The following AXL variants were observed in gnomAD, a reference collection of about 807,000 sequenced individuals.
AXL encodes tyrosine-protein kinase receptor UFO.
In AXL, 52 loss-of-function variants were observed where a neutral mutation model predicts 104.5. The ratio of observed to expected loss-of-function variants is 0.50; its 90% CI spans 0.40 to 0.63. The LOEUF is 0.63. Ranked by LOEUF, AXL falls within the 20% of genes least tolerant of loss-of-function variation. AXL has a pLI of 0.00. For missense variants in AXL, 1,024 were observed against 1,188.5 expected (o/e 0.86, Z 2.04); for synonymous variants, 455 against 473.7 (o/e 0.96, Z 0.51).
At chr19:41,253,050 C>T in intron 16 of AXL, 83 bp downstream of exon 16, 2 of 1,461,990 alleles carry the variant, frequency 1.4e-6, no homozygotes, top group South Asian at 1.3e-5. Flanking sequence ...CCTGGGAAGA[C>T]CACGGTGACC....
chr19:41,227,286 T>C (rs745644390), intron 4 of AXL, among the ~76,000 whole-genome samples: 17 of 152,222 alleles, frequency 1.1e-4, no homozygotes, highest in Admixed American at 8.5e-4. Flanking sequence ...ACCCTGTATA[T>C]ACTACACATA....
At chr19:41,240,856 A>C (rs1184273393) in intron 10 of AXL, among the ~76,000 whole-genome samples, 1 of 152,080 alleles carries the variant, frequency 6.6e-6, no homozygotes, top group Non-Finnish European at 1.5e-5. Flanking sequence ...TTCTCCTTGC[A>C]TGCTTACTGC....
chr19:41,222,923 A>G, intron 4 of AXL, among the ~76,000 whole-genome samples: 1 of 150,602 alleles, frequency 6.6e-6, no homozygotes, highest in Admixed American at 6.6e-5. Context: ...AAAAAAAAAA[A>G]AAGAAAGTGG....
rs774572664 is a variant in AXL at position 41,238,069 on chromosome 19, C to G, written c.909C>G (p.Thr303=). 1 of 1,614,046 alleles carries G rather than the reference C, an allele frequency of 6.2e-7. No individual in the cohort carries two copies. Among genetic ancestry groups the G allele is most frequent in the African/African-American group, 1.3e-5 (1 of 75,010 alleles). Residue 303 remains threonine (T), a synonymous_variant, in exon 7 of 20, where the codon ACC becomes ACG. Transcript: ENST00000301178. Reference sequence around the variant, plus strand: ...GGCTAGGCAGCCTCCATCCTCACACCCCTTATCACATCCGCGTGGCATGCA... The same window carrying G: ...GGCTAGGCAGCCTCCATCCTCACACGCCTTATCACATCCGCGTGGCATGCA... ...QLRLGSLHPH[T]PYHIRVACTS...
chr19:41,243,264 G>C (rs2034214657), intron 11 of AXL, among the ~76,000 whole-genome samples: 1 of 152,114 alleles, frequency 6.6e-6, no homozygotes, highest in Non-Finnish European at 1.5e-5. Flanking sequence ...ACTGAAAAAT[G>C]CAAAAATTAG....
intron 16 of AXL, 115 bp downstream of exon 16, chr19:41,253,082 A>T: frequency 8.5e-7 from 1 of 1,173,532 alleles, no homozygotes; most frequent in Non-Finnish European, 1.2e-6. Context: ...CTCCTGGAGC[A>T]TTTCTTCCAG....
chr19:41,248,932 A>C, intron 14 of AXL, 112 bp downstream of exon 14: 1 of 1,116,996 alleles, frequency 9.0e-7, no homozygotes, highest in South Asian at 1.6e-5. Context: ...CCAGATAGGC[A>C]ATGGAGCCCC....
chr19:41,246,652 T>C (rs1161796449), intron 12 of AXL, among the ~76,000 whole-genome samples: 1 of 152,066 alleles, frequency 6.6e-6, no homozygotes, highest in Non-Finnish European at 1.5e-5. Context: ...GAGGCGGAAG[T>C]TGCAGTGAGC....
rs139029837 is a variant in AXL, at chr19:41,242,534, C to T, written c.1313-349C>T. On this transcript the variant is annotated intron_variant, in intron 10 of 19. Transcript: ENST00000301178. ...AAGTAGAGACAGGGTTTCATCATGT[C>T]GGCCGGGCTGGTCTTGAACTCCTTG... is the stretch of plus-strand genomic sequence containing the variant. Among the ~76,000 whole-genome samples the T allele has an allele frequency of 3.6e-3, 542 of 151,966 alleles. 2 individuals are homozygous for T. The highest frequency in any genetic ancestry group is 6.0e-3 in the Non-Finnish European group (407 of 67,920).
At position 41,238,629 on chromosome 19, in the gene AXL, T is replaced by C. The variant is rs371672592; in HGVS notation, c.1134+20T>C. ...CCAGAGGTGGGTGCTGCTGGTGGGA[T>C]TGGAGTGGAGTGGCTTGGGGAGGAG... On this transcript the variant is annotated intron_variant, in intron 8 of 19. Transcript: ENST00000301178. 6.3e-7 allele frequency: 1 copy of C among 1,596,872 alleles called. No homozygotes were observed. The highest frequency in any genetic ancestry group is 1.1e-5 in the South Asian group (1 of 89,986).
In AXL at chr19:41,220,641, C is replaced by A. The variant is rs754682210; in HGVS notation, c.91C>A (p.Gln31Lys). 6.4e-7 allele frequency: 1 copy of A among 1,574,106 alleles called. No homozygotes were observed. Among genetic ancestry groups the A allele is most frequent in the Non-Finnish European group, 8.6e-7 (1 of 1,159,516 alleles). ...GWACMAPRGT[Q>K]AEESPFVGNP... ...TCTTCCCATCTCCCCTCCAGGCACG[C>A]AGGCTGAAGAAAGTCCCTTCGTGGG... Residue 31 changes from glutamine to lysine, a missense_variant, in exon 2 of 20, where the codon CAG (glutamine) becomes AAG (lysine). By Grantham distance (53) the Gln-to-Lys change is moderately conservative. Around this residue, in one of 5 missense-constraint regions of AXL, gnomAD observed 124 missense variants for 115.5 expected, o/e 1.07. Transcript: ENST00000301178.
rs749941613 is a variant in AXL at position 41,248,777 on chromosome 19, C to T, written c.1668C>T (p.Asn556=). The T allele has an allele frequency of 5.0e-6, 8 of 1,613,828 alleles. No homozygotes were observed. The East Asian group carries it at 1.6e-4, about 31-fold the overall frequency. The change falls in exon 14 of 20, where the codon AAC becomes AAT. Residue 556 remains asparagine (N), a synonymous_variant. Transcript: ENST00000301178. ...EFGAVMEGQL[N]QDDSILKVAV... ...GAGCTGTGATGGAAGGCCAGCTCAA[C>T]CAGGACGACTCCATCCTCAAGGTGG...
chr19:41,231,887 A>G (rs2122221332), intron 6 of AXL, among the ~76,000 whole-genome samples: 2 of 151,446 alleles, frequency 1.3e-5, no homozygotes, highest in East Asian at 3.9e-4. Flanking sequence ...AGATCGTGCC[A>G]CTGCTCTCCA....
intron 3 of AXL, 62 bp downstream of exon 3, chr19:41,221,308 GA>G: frequency 6.8e-7 from 1 of 1,479,914 alleles, no homozygotes; most frequent in Non-Finnish European, 9.3e-7. Flanking sequence ...TAGGTTGTGG[GA>G]AGTCAGGAAT....
rs1416196216 is a variant in AXL, at chr19:41,259,864, G to C, written c.2645G>C (p.Arg882Thr). The change falls in exon 20 of 20, where the codon AGG (arginine) becomes ACG (threonine). Residue 882 changes from arginine (R) to threonine (T), a missense_variant. Physicochemically the swap from Arg to Thr is moderately conservative, Grantham distance 71 (BLOSUM62 -1). Transcript: ENST00000301178. Reference protein sequence around the residue: ...TTPSPAQPADRGSPAAPGQED... With the variant: ...TTPSPAQPADTGSPAAPGQED... The stretch of plus-strand genomic sequence containing the variant: ...CCTAGCCCCGCTCAGCCTGCTGATA[G>C]GGGCTCCCCAGCAGCCCCAGGGCAG... 1.2e-6 allele frequency: 2 copies of C among 1,603,396 alleles called. No individual in the cohort carries two copies. The highest frequency in any genetic ancestry group is 2.7e-5 in the African/African-American group (2 of 74,692).
intron 14 of AXL, among the ~76,000 whole-genome samples, chr19:41,250,542 A>G (rs546086818): frequency 2.6e-5 from 4 of 152,272 alleles, no homozygotes; most frequent in African/African-American, 9.6e-5. Context: ...TCCCAGGTTC[A>G]AGCGATTCTT....
intron 8 of AXL, 82 bp downstream of exon 8, chr19:41,238,691 G>C: frequency 2.0e-6 from 3 of 1,498,060 alleles, no homozygotes; most frequent in Non-Finnish European, 2.7e-6. Flanking sequence ...AGATGGTTGT[G>C]AAGGTTGGGT....
At chr19:41,250,237 G>C (rs905114571) in intron 14 of AXL, among the ~76,000 whole-genome samples, 1 of 152,178 alleles carries the variant, frequency 6.6e-6, no homozygotes, top group South Asian at 2.1e-4. Context: ...AGCCATTTCA[G>C]GGTTACACAG....
At chr19:41,251,866 C>A (rs1208071922) in intron 14 of AXL, among the ~76,000 whole-genome samples, 2 of 151,860 alleles carry the variant, frequency 1.3e-5, no homozygotes, top group Non-Finnish European at 2.9e-5. Context: ...GTAATCCTAG[C>A]ACTTTGGGAG....
Sources: gnomAD v4.1 joint callset for allele counts (sites outside exome capture counted in the v4.1 genomes callset) on GRCh38, gnomAD v4.1.1 for gene constraint, gnomAD v4.1.1 regional missense constraint, MANE v1.5 for transcripts, NCBI Gene and HGNC (gene_info 2026-07-23, HGNC 2026-07-21) for gene names.